The following STPG2 variants were observed in gnomAD, a reference collection of about 807,000 sequenced individuals.
STPG2 encodes sperm tail PG-rich repeat containing 2.
STPG2 carries 56 observed loss-of-function variants against 54.2 expected under a neutral mutation model. That is an observed-to-expected ratio of 1.03 (90% CI 0.83 to 1.29). The LOEUF (loss-of-function observed/expected upper bound fraction) is 1.29, where lower values mean the gene tolerates loss of function less well. Among genes scored for constraint, STPG2 ranks in the 50% most tolerant of loss-of-function variants. The pLI, the probability that STPG2 is intolerant of heterozygous loss-of-function variation, is 0.00. For missense variants in STPG2, 596 were observed against 544.9 expected, an observed-to-expected ratio of 1.09 and a Z score of -0.93; for synonymous variants, 200 against 181.8, an observed-to-expected ratio of 1.10 and a Z score of -0.81.
chr4:98,117,324 CT>C (rs1381981794), intron 3 of STPG2, among the ~76,000 whole-genome samples: 1 of 151,860 alleles, frequency 6.6e-6, no homozygotes, highest in Non-Finnish European at 1.5e-5. Flanking sequence ...TGATATGTCA[CT>C]TTTTTCTTGC....
At chr4:97,733,704 A>T (rs999350880) in intron 9 of STPG2, among the ~76,000 whole-genome samples, 1 of 152,088 alleles carries the variant, frequency 6.6e-6, no homozygotes, top group African/African-American at 2.4e-5. Flanking sequence ...CCTTCCCTAG[A>T]ACTTATTCAG....
intron 8 of STPG2, among the ~76,000 whole-genome samples, chr4:97,893,490 T>C (rs1243386681): frequency 6.6e-6 from 1 of 152,040 alleles, no homozygotes. Flanking sequence ...ATAACACTCC[T>C]AGAAGTTGTA....
chr4:97,963,872 C>T (rs1283830740), intron 7 of STPG2, among the ~76,000 whole-genome samples: 1 of 151,714 alleles, frequency 6.6e-6, no homozygotes, highest in African/African-American at 2.4e-5. Context: ...ATTTAGAGTA[C>T]ATGTAGGTAT....
Position 98,128,469 on chromosome 4 carries a change from A to G in STPG2, c.346T>C (p.Cys116Arg), listed in dbSNP as rs376929503. 1.7e-5 allele frequency: 28 copies of G among 1,613,352 alleles called. No homozygotes were observed. Among genetic ancestry groups the G allele is most frequent in the Non-Finnish European group, 2.2e-5 (26 of 1,179,768 alleles). The change falls in exon 3 of 11, where the codon TGT (cysteine) becomes CGT (arginine). Residue 116 changes from cysteine (C) to arginine (R), a missense_variant. Physicochemically the swap from Cys to Arg is radical, Grantham distance 180. Transcript: ENST00000295268. Reference protein sequence around the residue: ...GSIIKCFPPACDSTLGPAYYK... With the variant: ...GSIIKCFPPARDSTLGPAYYK... The stretch of plus-strand genomic sequence containing the variant: ...TATGCTGGACCAAGTGTACTGTCAC[A>G]AGCAGGTGGAAAACATTTTATAATA...
intron 8 of STPG2, among the ~76,000 whole-genome samples, chr4:97,897,604 T>G (rs1435182063): frequency 6.6e-6 from 1 of 152,212 alleles, no homozygotes; most frequent in African/African-American, 2.4e-5. Flanking sequence ...CCATTCTGAC[T>G]GGTGTGATAT....
At chr4:97,948,316 C>T (rs1337024548) in intron 7 of STPG2, among the ~76,000 whole-genome samples, 1 of 151,932 alleles carries the variant, frequency 6.6e-6, no homozygotes, top group Non-Finnish European at 1.5e-5. Flanking sequence ...CTCTTCTTTT[C>T]TTGGTTAATC....
intron 9 of STPG2, among the ~76,000 whole-genome samples, chr4:97,727,857 T>A (rs1232038102): frequency 6.6e-6 from 1 of 151,932 alleles, no homozygotes; most frequent in East Asian, 1.9e-4. Flanking sequence ...TTAGCTATGA[T>A]TCCAGTTAAG....
intron 8 of STPG2, among the ~76,000 whole-genome samples, chr4:97,861,032 G>A (rs886356322): frequency 6.6e-6 from 1 of 152,098 alleles, no homozygotes; most frequent in African/African-American, 2.4e-5. Flanking sequence ...CCACAGCAAA[G>A]GATACAATCA....
At chr4:98,142,949 T>A in intron 1 of STPG2, 93 bp downstream of exon 1, 3 of 1,062,478 alleles carry the variant, frequency 2.8e-6, no homozygotes, top group Non-Finnish European at 1.4e-6. Context: ...ATGGTACTAT[T>A]CCGCTCTATG....
intron 3 of STPG2, among the ~76,000 whole-genome samples, chr4:98,117,575 G>A (rs1739557773): frequency 6.6e-6 from 1 of 151,814 alleles, no homozygotes; most frequent in South Asian, 2.1e-4. Context: ...ACTCGACAGT[G>A]TCCCCTAGAT....
chr4:97,453,114 G>C (rs1330347667), intron 4 of STPG2, among the ~76,000 whole-genome samples: 1 of 152,192 alleles, frequency 6.6e-6, no homozygotes, highest in African/African-American at 2.4e-5. Flanking sequence ...TCCCAGACTT[G>C]GGAGCTCCCT....
At chr4:97,646,634 A>C (rs1442597907) in intron 10 of STPG2, among the ~76,000 whole-genome samples, 1 of 152,114 alleles carries the variant, frequency 6.6e-6, no homozygotes, top group Non-Finnish European at 1.5e-5. Context: ...TTGATGCTTT[A>C]TGTGAACCAA....
intron 9 of STPG2, among the ~76,000 whole-genome samples, chr4:97,754,526 A>G (rs1309297635): frequency 6.6e-6 from 1 of 152,120 alleles, no homozygotes; most frequent in Non-Finnish European, 1.5e-5. Context: ...ATTTGTTATA[A>G]TTATGTGTTT....
intron 9 of STPG2, among the ~76,000 whole-genome samples, chr4:97,757,775 T>G (rs545529243): frequency 1.3e-5 from 2 of 152,202 alleles, no homozygotes; most frequent in Non-Finnish European, 2.9e-5. Flanking sequence ...CTTGTACATA[T>G]TTAATAGAGT....
chr4:97,547,914 G>A (rs1731875344), intron 4 of STPG2, among the ~76,000 whole-genome samples: 2 of 152,120 alleles, frequency 1.3e-5, no homozygotes, highest in African/African-American at 4.8e-5. Context: ...ACTTCGGGAG[G>A]CTGAGGCAGG....
chr4:97,987,360 A>T (rs1465975688), intron 5 of STPG2, among the ~76,000 whole-genome samples: 1 of 152,204 alleles, frequency 6.6e-6, no homozygotes, highest in Admixed American at 6.5e-5. Context: ...TCTCTAAAAA[A>T]TTTTGTACTG....
chr4:97,796,384 G>C (rs1228191410), intron 9 of STPG2, among the ~76,000 whole-genome samples: 1 of 152,172 alleles, frequency 6.6e-6, no homozygotes, highest in Non-Finnish European at 1.5e-5. Flanking sequence ...TTTATAAGGT[G>C]TAAGGAAGGG....
chr4:98,076,243 C>CAA (rs35410084), intron 5 of STPG2, among the ~76,000 whole-genome samples: 6 of 127,148 alleles, frequency 4.7e-5, no homozygotes, highest in African/African-American at 1.8e-4. Context: ...GACTCTGTCT[C>CAA]AAAAAAAAAA....
intron 3 of STPG2, among the ~76,000 whole-genome samples, chr4:98,114,426 C>T (rs1214994): frequency 0.56 from 85,257 of 151,720 alleles, 24,516 homozygotes; most frequent in African/African-American, 0.69. Context: ...ATATATTTCA[C>T]ACAAGAACAT....
Sources: gnomAD v4.1 joint callset for allele counts (sites outside exome capture counted in the v4.1 genomes callset) on GRCh38, gnomAD v4.1.1 for gene constraint, MANE v1.5 for transcripts, NCBI Gene and HGNC (gene_info 2026-07-23, HGNC 2026-07-21) for gene names.